Variants in SLC41A2 observed in about 807,000 individuals in gnomAD.
SLC41A2 encodes the protein SLC41A1-like 1.
A neutral mutation model predicts 58.3 loss-of-function variants in SLC41A2; 32 were observed. That is an observed-to-expected ratio of 0.55 (90% CI 0.41 to 0.74). The LOEUF (loss-of-function observed/expected upper bound fraction) is 0.74. Among genes scored for constraint, SLC41A2 ranks in the 30% least tolerant of loss-of-function variants. The pLI is 0.00. For missense variants in SLC41A2, 514 were observed against 680.6 expected (o/e 0.76, Z 2.72); for synonymous variants, 190 against 235.0 (o/e 0.81, Z 1.75).
At chr12:104,911,931 A>T (rs538979145) in intron 2 of SLC41A2, among the ~76,000 whole-genome samples, 1 of 152,350 alleles carries the variant, frequency 6.6e-6, no homozygotes, top group South Asian at 2.1e-4. Context: ...TGAAATATGT[A>T]TCTTTCAAAG....
chr12:104,891,486 A>G (rs1026316494), intron 4 of SLC41A2, among the ~76,000 whole-genome samples: 11 of 148,196 alleles, frequency 7.4e-5, no homozygotes, highest in Admixed American at 1.4e-4. Context: ...CAAATTTTAT[A>G]TATTATTTAT....
Position 104,807,370 on chromosome 12 carries a change from A to G in SLC41A2, c.1537-2033T>C, listed in dbSNP as rs536780275. On this transcript the variant is annotated intron_variant, in intron 10 of 10. Coordinates refer to ENST00000258538, the MANE Select transcript of SLC41A2 (RefSeq NM_001352171.3). ...TTGTCAGGTTTGTCAAAGATCAGATAGTTGTAGATATGTGGCATTATTTCT... is the reference window on the plus strand; with the variant it reads ...TTGTCAGGTTTGTCAAAGATCAGATGGTTGTAGATATGTGGCATTATTTCT... 6.6e-5 allele frequency among the ~76,000 whole-genome samples: 10 copies of G among 152,244 alleles called. No individual in the cohort carries two copies. The East Asian group carries it at 1.3e-3, about 21-fold the overall frequency.
chr12:104,884,125 C>T (rs2044532247), intron 6 of SLC41A2, among the ~76,000 whole-genome samples: 1 of 152,222 alleles, frequency 6.6e-6, no homozygotes, highest in Admixed American at 6.5e-5. Flanking sequence ...AGCAAGGCTC[C>T]ATGGGTGTGG....
intron 2 of SLC41A2, among the ~76,000 whole-genome samples, chr12:104,917,736 C>T (rs1005021561): frequency 3.4e-5 from 5 of 147,888 alleles, no homozygotes; most frequent in African/African-American, 1.2e-4. Flanking sequence ...AAACCAAACA[C>T]CGCATGTTCT....
intron 10 of SLC41A2, among the ~76,000 whole-genome samples, chr12:104,831,666 C>G (rs903309140): frequency 3.0e-4 from 46 of 152,216 alleles, no homozygotes; most frequent in African/African-American, 8.4e-4. Flanking sequence ...TTTAATCTCT[C>G]CAACTGATAT....
chr12:104,818,198 C>A (rs907136595), intron 10 of SLC41A2, among the ~76,000 whole-genome samples: 1 of 151,934 alleles, frequency 6.6e-6, no homozygotes, highest in South Asian at 2.1e-4. Context: ...TGAAATGAAA[C>A]AAGATACTAA....
At chr12:104,957,952 G>C (rs1183771358) in intron 1 of SLC41A2, 136 bp downstream of exon 1, 2 of 151,948 alleles carry the variant, frequency 1.3e-5, no homozygotes, top group African/African-American at 4.8e-5. Context: ...CTGCTCGGGC[G>C]GGGCCGCTCC....
intron 1 of SLC41A2, among the ~76,000 whole-genome samples, chr12:104,953,010 T>C (rs2135989748): frequency 6.6e-6 from 1 of 152,338 alleles, no homozygotes; most frequent in Non-Finnish European, 1.5e-5. Context: ...ATCGTAATGG[T>C]ACTTGTACTA....
chr12:104,908,794 G>A (rs2045958744), intron 3 of SLC41A2, among the ~76,000 whole-genome samples: 1 of 152,122 alleles, frequency 6.6e-6, no homozygotes, highest in Non-Finnish European at 1.5e-5. Flanking sequence ...CTTTTCGAAT[G>A]ACAATTTTGC....
chr12:104,843,351 AC>A (rs1197334253), intron 10 of SLC41A2, among the ~76,000 whole-genome samples: 2 of 151,982 alleles, frequency 1.3e-5, no homozygotes, highest in African/African-American at 4.8e-5. Flanking sequence ...TCGATAGGTG[AC>A]TTTTAGTAAA....
At chr12:104,947,955 C>T (rs527538269) in intron 1 of SLC41A2, among the ~76,000 whole-genome samples, 64 of 152,306 alleles carry the variant, frequency 4.2e-4, no homozygotes, top group African/African-American at 1.5e-3. Context: ...CTCATGAAAG[C>T]ATTAGAATCC....
chr12:104,928,827 T>C, intron 1 of SLC41A2, 133 bp from the exon 2 acceptor site: 1 of 208,524 alleles, frequency 4.8e-6, no homozygotes, highest in Non-Finnish European at 9.5e-6. Context: ...ATACTATACT[T>C]TGTGGGCTTA....
chr12:104,870,701 T>C (rs1186689148), intron 6 of SLC41A2, among the ~76,000 whole-genome samples: 1 of 152,206 alleles, frequency 6.6e-6, no homozygotes. Context: ...CATTTTATAT[T>C]GTTGACGGCA....
chr12:104,835,631 A>G (rs1255527010), intron 10 of SLC41A2, among the ~76,000 whole-genome samples: 1 of 152,202 alleles, frequency 6.6e-6, no homozygotes, highest in Non-Finnish European at 1.5e-5. Context: ...CTTCTCTCAG[A>G]ACATTCAGGA....
At chr12:104,900,447 T>C (rs2045503357) in intron 3 of SLC41A2, among the ~76,000 whole-genome samples, 1 of 152,208 alleles carries the variant, frequency 6.6e-6, no homozygotes, top group Admixed American at 6.5e-5. Context: ...TTGATTATGA[T>C]GGTAGTTTTT....
At chr12:104,925,946 GCT>G (rs1420688390) in intron 2 of SLC41A2, among the ~76,000 whole-genome samples, 2 of 152,124 alleles carry the variant, frequency 1.3e-5, no homozygotes, top group Non-Finnish European at 2.9e-5. Flanking sequence ...ATGTAGGTTT[GCT>G]CTCTCTTTGG....
rs768840849 is a variant in SLC41A2 at position 104,866,532 on chromosome 12, G to C, written c.1075C>G (p.Leu359Val). The change falls in exon 7 of 11, where the codon CTA (leucine) becomes GTA (valine). Residue 359 changes from leucine (L) to valine (V), a missense_variant. Leu to Val is a conservative substitution (Grantham distance 32). Coordinates refer to ENST00000258538, the MANE Select transcript of SLC41A2 (RefSeq NM_001352171.3). ...SPLVGVFFLA[L>V]TPIWIIIAAK... ...GCTATTATAATCCAAATAGGGGTTAGAGCCAAGAAAAATACACCAACTAAT... is the reference window on the plus strand; with the variant it reads ...GCTATTATAATCCAAATAGGGGTTACAGCCAAGAAAAATACACCAACTAAT... 4.4e-6 allele frequency: 7 copies of C among 1,605,140 alleles called. No individual in the cohort carries two copies. Among genetic ancestry groups the C allele is most frequent in the South Asian group, 3.3e-5 (3 of 90,712 alleles).
chr12:104,946,336 G>C (rs2047717790), intron 1 of SLC41A2, among the ~76,000 whole-genome samples: 1 of 152,144 alleles, frequency 6.6e-6, no homozygotes, highest in Non-Finnish European at 1.5e-5. Context: ...TGCAGGGTGT[G>C]ATCCTGGCTC....
chr12:104,947,649 C>CAT (rs142147043), intron 1 of SLC41A2, among the ~76,000 whole-genome samples: 8 of 151,692 alleles, frequency 5.3e-5, no homozygotes, highest in African/African-American at 1.5e-4. Context: ...ACATATTTTA[C>CAT]ATATATATAT....
Sources: gnomAD v4.1 joint callset for allele counts (sites outside exome capture counted in the v4.1 genomes callset) on GRCh38, gnomAD v4.1.1 for gene constraint, MANE v1.5 for transcripts, NCBI Gene and HGNC (gene_info 2026-07-23, HGNC 2026-07-21) for gene names.